Variants in CAPZB observed in about 807,000 individuals in gnomAD.
CAPZB encodes the protein capping actin protein of muscle Z-line subunit beta, also known as F-actin-capping protein subunit beta.
In CAPZB, 2 loss-of-function variants were observed where a neutral mutation model predicts 38.1. The observed-to-expected ratio is 0.05, with a 90% CI of 0.02 to 0.17. The LOEUF is 0.17. Ranked by LOEUF, CAPZB falls within the 10% of genes least tolerant of loss-of-function variation. The pLI is 1.00. For missense variants in CAPZB, 161 were observed against 334.2 expected (o/e 0.48, Z 4.04); for synonymous variants, 107 against 127.4 (o/e 0.84, Z 1.08).
intron 3 of CAPZB, among the ~76,000 whole-genome samples, chr1:19,385,107 C>T (rs944636686): frequency 1.3e-5 from 2 of 152,130 alleles, no homozygotes; most frequent in Non-Finnish European, 2.9e-5. Flanking sequence ...CACAGAGACC[C>T]TCCCAGCCCT....
intron 1 of CAPZB, among the ~76,000 whole-genome samples, chr1:19,482,595 C>T (rs1165480550): frequency 1.3e-5 from 2 of 152,222 alleles, no homozygotes; most frequent in African/African-American, 4.8e-5. Flanking sequence ...TTATTACCTG[C>T]TAAGGGAATG....
At chr1:19,433,847 C>T (rs548397850) in intron 1 of CAPZB, among the ~76,000 whole-genome samples, 2 of 152,196 alleles carry the variant, frequency 1.3e-5, no homozygotes, top group African/African-American at 2.4e-5. Flanking sequence ...TTGTCCCTGT[C>T]GGCCTTCCCC....
intron 2 of CAPZB, among the ~76,000 whole-genome samples, chr1:19,396,800 A>AG: frequency 6.6e-6 from 1 of 151,850 alleles, no homozygotes; most frequent in Non-Finnish European, 1.5e-5. Context: ...AAAAAAAAAA[A>AG]AAAGAAATTA....
At chr1:19,377,492 A>C (rs1364213010) in intron 4 of CAPZB, among the ~76,000 whole-genome samples, 1 of 152,252 alleles carries the variant, frequency 6.6e-6, no homozygotes, top group Non-Finnish European at 1.5e-5. Flanking sequence ...ATATTCGTAT[A>C]TAATAGAACT....
chr1:19,339,307 G>A lies in CAPZB; in HGVS notation c.*223C>T, dbSNP rs2093915009. On this transcript the variant is annotated 3_prime_UTR_variant, in exon 9 of 9. Coordinates refer to ENST00000264202, the MANE Select transcript of CAPZB (RefSeq NM_004930.5). ...AAAACCACACGGTCTCTATGGAAAT[G>A]TGGAGAGAACTGAGAGCGAGGTGTG... is the stretch of plus-strand genomic sequence containing the variant. 8.5e-6 allele frequency: 5 copies of A among 588,636 alleles called. No homozygotes were observed. The South Asian group carries it at 1.0e-4, about 12-fold the overall frequency. 36.5% of individuals were successfully genotyped at this position (588,636 alleles called of 1,614,324 possible).
intron 6 of CAPZB, among the ~76,000 whole-genome samples, chr1:19,350,362 A>G (rs1169054376): frequency 2.0e-5 from 3 of 152,264 alleles, no homozygotes; most frequent in African/African-American, 7.2e-5. Flanking sequence ...GGGACTTGCC[A>G]GAATGGCAGC....
intron 2 of CAPZB, among the ~76,000 whole-genome samples, chr1:19,411,210 T>C (rs2094355682): frequency 6.6e-6 from 1 of 152,128 alleles, no homozygotes; most frequent in African/African-American, 2.4e-5. Context: ...TTTTCTATGT[T>C]TAATTTAAAA....
At chr1:19,346,174 C>T (rs867563754) in intron 6 of CAPZB, among the ~76,000 whole-genome samples, 6 of 152,072 alleles carry the variant, frequency 3.9e-5, no homozygotes, top group East Asian at 1.9e-4. Flanking sequence ...AACATAAATG[C>T]TCAACGTTAC....
intron 1 of CAPZB, among the ~76,000 whole-genome samples, chr1:19,433,452 A>G (rs1400443141): frequency 2.0e-5 from 3 of 152,216 alleles, no homozygotes; most frequent in Non-Finnish European, 4.4e-5. Context: ...ATTCACATAA[A>G]CCAAACAGAT....
rs368660059 is a variant in CAPZB at position 19,357,548 on chromosome 1, G to A, written c.345C>T (p.Gly115=). ...GATCCCAGAGGTAGACAGATGAGAC[G>A]CCACCTTCAAAATACCTGCAGGAAA... ...DQYRDLYFEG[G]VSSVYLWDLD... is the part of the protein sequence containing the mutation. Residue 115 remains glycine (G), a synonymous_variant, in exon 5 of 9, where the codon GGC becomes GGT. Transcript: ENST00000264202. This position sits in a 1 kb window ranked among gnomAD's most constrained non-coding sequence, Gnocchi z 4.3. 648 of 1,613,934 alleles carry A rather than the reference G, an allele frequency of 4.0e-4. No individual in the cohort carries two copies. Among genetic ancestry groups the A allele is most frequent in the Non-Finnish European group, 3.8e-4 (454 of 1,179,946 alleles).
intron 4 of CAPZB, among the ~76,000 whole-genome samples, chr1:19,359,624 G>A (rs1569947360): frequency 1.3e-5 from 2 of 152,356 alleles, no homozygotes; most frequent in East Asian, 3.9e-4. Context: ...GGGCTGTCTG[G>A]CTAACCAAGT....
chr1:19,465,778 T>G (rs1049091490), intron 1 of CAPZB, among the ~76,000 whole-genome samples: 1 of 152,202 alleles, frequency 6.6e-6, no homozygotes. Context: ...TCTGGGCTCA[T>G]GTGATAAAGA....
At chr1:19,342,942 G>A (rs1340567278) in intron 8 of CAPZB, 3 of 896,850 alleles carry the variant, frequency 3.3e-6, no homozygotes, top group African/African-American at 3.3e-5. Flanking sequence ...GGCCACAGCT[G>A]AGGAGGAAAT....
chr1:19,352,938 C>T (rs2093999784), intron 6 of CAPZB, among the ~76,000 whole-genome samples: 1 of 151,922 alleles, frequency 6.6e-6, no homozygotes, highest in East Asian at 2.0e-4. Context: ...CCACCAGCCG[C>T]CTACACTGGG....
chr1:19,387,030 A>G (rs1358638369), intron 2 of CAPZB, among the ~76,000 whole-genome samples: 3 of 152,150 alleles, frequency 2.0e-5, no homozygotes, highest in African/African-American at 7.2e-5. Flanking sequence ...TTTGGTGATA[A>G]TATCATGCAC....
chr1:19,343,658 G>A (rs1366641277), intron 8 of CAPZB, among the ~76,000 whole-genome samples: 1 of 152,192 alleles, frequency 6.6e-6, no homozygotes, highest in Admixed American at 6.5e-5. Flanking sequence ...GCCGTTTACT[G>A]CCCCCAGCTG....
chr1:19,385,387 G>T, intron 3 of CAPZB, 118 bp downstream of exon 3: 1 of 1,144,942 alleles, frequency 8.7e-7, no homozygotes, highest in Non-Finnish European at 1.3e-6. Flanking sequence ...ACAAACGGAA[G>T]GAAAGCTGAA....
chr1:19,409,117 G>GT (rs1408836350), intron 2 of CAPZB, among the ~76,000 whole-genome samples: 2 of 152,096 alleles, frequency 1.3e-5, no homozygotes, highest in African/African-American at 4.8e-5. Context: ...TTCCTTGAAC[G>GT]TGAGTTGGGA....
intron 2 of CAPZB, among the ~76,000 whole-genome samples, chr1:19,407,187 A>C (rs945277782): frequency 1.3e-5 from 2 of 152,198 alleles, no homozygotes; most frequent in African/African-American, 4.8e-5. Context: ...CTAAATGGCC[A>C]ATCTGTTTCC....
Sources: allele counts gnomAD v4.1 joint callset (sites outside exome capture counted in the v4.1 genomes callset), GRCh38; gene constraint gnomAD v4.1.1; non-coding constraint Gnocchi (gnomAD v3.1); transcripts MANE v1.5; gene names NCBI Gene and HGNC (gene_info 2026-07-23, HGNC 2026-07-21).